The following MKLN1 variants were observed in gnomAD, a reference collection of about 807,000 sequenced individuals.
MKLN1 encodes the protein muskelin 1, also known as muskelin.
Under a neutral mutation model 99.0 loss-of-function variants are expected in MKLN1, and 18 were observed. The observed-to-expected ratio is 0.18, with a 90% CI of 0.13 to 0.27. The LOEUF is 0.27. Among genes scored for constraint, MKLN1 ranks in the 10% least tolerant of loss-of-function variants. The pLI is 1.00. For missense variants in MKLN1, 621 were observed against 875.9 expected, an observed-to-expected ratio of 0.71 and a Z score of 3.67; for synonymous variants, 288 against 293.2, an observed-to-expected ratio of 0.98 and a Z score of 0.18.
At chr7:131,423,667 A>G (rs544180517) in intron 8 of MKLN1, among the ~76,000 whole-genome samples, 1 of 152,316 alleles carries the variant, frequency 6.6e-6, no homozygotes, top group East Asian at 1.9e-4. Context: ...GTGGTACCAC[A>G]TAGTTTTTCT....
chr7:131,487,822 TTGAG>T lies in MKLN1; in HGVS notation c.*95_*98del. On this transcript the variant is annotated 3_prime_UTR_variant, in exon 18 of 18. Transcript: ENST00000352689. This position sits in a 1 kb window ranked among gnomAD's most constrained non-coding sequence, Gnocchi z 4.7. ...CTGACTGACAGTAAAGCTGCAGTGA[TTGAG>T]GACTGCACCAGAGTTCTGAAGGGAT... is the stretch of plus-strand genomic sequence containing the variant. 6.9e-7 allele frequency: 1 copy of T among 1,441,100 alleles called. No homozygotes were observed. The highest frequency in any genetic ancestry group is 9.4e-7 in the Non-Finnish European group (1 of 1,058,836). 89.3% of individuals were successfully genotyped at this position (1,441,100 alleles called of 1,614,324 possible).
intron 2 of MKLN1, among the ~76,000 whole-genome samples, chr7:131,156,894 G>A (rs1795977700): frequency 6.6e-6 from 1 of 152,180 alleles, no homozygotes; most frequent in Non-Finnish European, 1.5e-5. Flanking sequence ...CTCAAGGACA[G>A]AGAGAGTGTG....
chr7:131,377,709 T>C (rs1307496463), intron 2 of MKLN1, among the ~76,000 whole-genome samples: 1 of 152,206 alleles, frequency 6.6e-6, no homozygotes, highest in East Asian at 1.9e-4. Context: ...ACTTTTTTGT[T>C]TGCTTATTCA....
chr7:131,299,894 T>C (rs1798350485), intron 3 of MKLN1, among the ~76,000 whole-genome samples: 1 of 152,208 alleles, frequency 6.6e-6, no homozygotes, highest in African/African-American at 2.4e-5. Context: ...ATAAACAGAA[T>C]GATGTCTTTT....
intron 3 of MKLN1, among the ~76,000 whole-genome samples, chr7:131,245,424 C>T (rs979123903): frequency 8.5e-5 from 13 of 152,074 alleles, no homozygotes; most frequent in South Asian, 6.2e-4. Flanking sequence ...CCCACAACCA[C>T]GCCCAGCTAA....
At chr7:131,252,506 T>C in intron 3 of MKLN1, among the ~76,000 whole-genome samples, 1 of 152,120 alleles carries the variant, frequency 6.6e-6, no homozygotes, top group East Asian at 1.9e-4. Context: ...TTTTTTTGTA[T>C]TTTTAGTAGA....
At chr7:131,478,475 C>A in intron 16 of MKLN1, 148 bp from the exon 17 acceptor site, 1 of 639,340 alleles carries the variant, frequency 1.6e-6, no homozygotes, top group Non-Finnish European at 2.3e-6. Context: ...GTTCTTCTTG[C>A]CACTATTTGG....
At chr7:131,443,779 A>G in intron 11 of MKLN1, 77 bp downstream of exon 11, 1 of 1,096,898 alleles carries the variant, frequency 9.1e-7, no homozygotes, top group Non-Finnish European at 1.4e-6. Flanking sequence ...GTGAAATCTA[A>G]TTCTTTAGGA....
chr7:131,272,650 A>T (rs540102504), intron 3 of MKLN1, among the ~76,000 whole-genome samples: 1 of 152,260 alleles, frequency 6.6e-6, no homozygotes, highest in Non-Finnish European at 1.5e-5. Flanking sequence ...GTTTAATTGG[A>T]CTTACAGTTC....
chr7:131,430,323 TC>T (rs1189738222), intron 9 of MKLN1, among the ~76,000 whole-genome samples: 2 of 152,240 alleles, frequency 1.3e-5, no homozygotes, highest in East Asian at 3.9e-4. Context: ...TTTTATTTTT[TC>T]AAATAGATGT....
intron 2 of MKLN1, among the ~76,000 whole-genome samples, chr7:131,168,299 G>T (rs1012814781): frequency 6.6e-6 from 1 of 151,726 alleles, no homozygotes; most frequent in Non-Finnish European, 1.5e-5. Flanking sequence ...TCATTCCTCC[G>T]CTTTCTCACT....
rs868177405 is a variant in MKLN1 at position 131,367,683 on chromosome 7, G to A, written c.99-7741G>A. ...ATTTCTCTTTTATTATTCTTACCTG[G>A]TATCTCTGTTCTCTGTTTCATTAGT... On this transcript the variant is annotated intron_variant, in intron 1 of 17. Coordinates refer to ENST00000352689, the MANE Select transcript of MKLN1 (RefSeq NM_013255.5). Among the ~76,000 whole-genome samples the A allele has an allele frequency of 7.9e-5, 12 of 151,740 alleles. No homozygotes were observed. In the South Asian group the frequency reaches 1.0e-3, roughly 13 times the overall value.
chr7:131,202,164 TTTTTTTTTTTTTTTG>T, intron 2 of MKLN1, among the ~76,000 whole-genome samples: 1 of 138,206 alleles, frequency 7.2e-6, no homozygotes. Flanking sequence ...TTTTTTTTTT[TTTTTTTTTTTTTTTG>T]AGATGTTGTC....
intron 3 of MKLN1, among the ~76,000 whole-genome samples, chr7:131,256,020 C>T (rs1190345669): frequency 6.6e-6 from 1 of 151,932 alleles, no homozygotes; most frequent in Non-Finnish European, 1.5e-5. Flanking sequence ...ATTCTCCTGC[C>T]TCAGCCTCCC....
At chr7:131,218,882 G>A (rs1435754569) in intron 3 of MKLN1, among the ~76,000 whole-genome samples, 1 of 152,044 alleles carries the variant, frequency 6.6e-6, no homozygotes, top group Admixed American at 6.6e-5. Flanking sequence ...TCCCCTCTCC[G>A]GAAGACCAAG....
At chr7:131,396,419 G>A (rs946505051) in intron 4 of MKLN1, among the ~76,000 whole-genome samples, 2 of 151,918 alleles carry the variant, frequency 1.3e-5, no homozygotes, top group African/African-American at 4.8e-5. Context: ...ATTACAATTC[G>A]TTTTTCTTAA....
Position 131,204,933 on chromosome 7 carries a change from C to CA in MKLN1, c.-179+1974dup, listed in dbSNP as rs61100568. Among the ~76,000 whole-genome samples, 282 of 130,218 alleles carry CA rather than the reference C, an allele frequency of 2.2e-3. 3 individuals are homozygous for CA. The highest frequency in any genetic ancestry group is 7.7e-3 in the Middle Eastern group (2 of 260). 85.4% of individuals were successfully genotyped at this position (130,218 alleles called of 152,430 possible). A position where few individuals can be genotyped will look rare whatever the true frequency, so the allele number is the denominator to read the frequency against. The stretch of plus-strand genomic sequence containing the variant: ...TAGGCGACAGAGCAAGACTCCGTAT[C>CA]AAAAAAAAAAAAAAATTAGCTGGGT... On this transcript the variant is annotated intron_variant, in intron 3 of 7. Coordinates refer to the MKLN1 transcript ENST00000416992.
At chr7:131,373,716 C>G (rs1793540920) in intron 1 of MKLN1, among the ~76,000 whole-genome samples, 1 of 152,092 alleles carries the variant, frequency 6.6e-6, no homozygotes, top group Non-Finnish European at 1.5e-5. Flanking sequence ...GCAGTTTTCC[C>G]TTGTTGCTGA....
intron 3 of MKLN1, among the ~76,000 whole-genome samples, chr7:131,274,676 A>C (rs1437468040): frequency 6.7e-6 from 1 of 149,518 alleles, no homozygotes; most frequent in African/African-American, 2.5e-5. Flanking sequence ...ATGAGAGATG[A>C]GATTGCTGCC....
Sources: allele counts gnomAD v4.1 joint callset (sites outside exome capture counted in the v4.1 genomes callset), GRCh38; gene constraint gnomAD v4.1.1; non-coding constraint Gnocchi (gnomAD v3.1); transcripts MANE v1.5; gene names NCBI Gene and HGNC (gene_info 2026-07-23, HGNC 2026-07-21).